The following FGGY variants were observed in gnomAD, a reference collection of about 807,000 sequenced individuals.
The protein encoded by FGGY is FGGY carbohydrate kinase domain-containing protein.
A neutral mutation model predicts 71.3 loss-of-function variants in FGGY; 72 were observed. The ratio of observed to expected loss-of-function variants is 1.01; its 90% CI spans 0.84 to 1.23. The LOEUF is 1.23. FGGY is among the 50% of genes most tolerant of loss of function. The pLI is 0.00. For missense variants in FGGY, 668 were observed against 682.3 expected (o/e 0.98, Z 0.23); for synonymous variants, 251 against 250.3 (o/e 1.00, Z -0.02).
At chr1:59,460,418 C>T (rs553338252) in intron 6 of FGGY, among the ~76,000 whole-genome samples, 1 of 152,302 alleles carries the variant, frequency 6.6e-6, no homozygotes, top group Admixed American at 6.5e-5. Flanking sequence ...CTGGGTGCAG[C>T]CCACCACAGC....
intron 11 of FGGY, among the ~76,000 whole-genome samples, chr1:59,641,664 T>A (rs528089437): frequency 1.3e-5 from 2 of 152,322 alleles, no homozygotes; most frequent in South Asian, 4.1e-4. Context: ...CTGCTTCTCT[T>A]GAAAATATTT....
At chr1:59,690,875 T>C (rs1412011428) in intron 14 of FGGY, among the ~76,000 whole-genome samples, 1 of 152,254 alleles carries the variant, frequency 6.6e-6, no homozygotes, top group Non-Finnish European at 1.5e-5. Context: ...ACATTAGCTG[T>C]GACTGTAAAC....
At chr1:59,683,724 T>G (rs2097523715) in intron 14 of FGGY, among the ~76,000 whole-genome samples, 1 of 152,118 alleles carries the variant, frequency 6.6e-6, no homozygotes, top group African/African-American at 2.4e-5. Context: ...GGAAATAAAA[T>G]AGCTGCTCCT....
At chr1:59,397,193 CCTT>C (rs1268316478) in intron 5 of FGGY, among the ~76,000 whole-genome samples, 3 of 152,182 alleles carry the variant, frequency 2.0e-5, no homozygotes, top group African/African-American at 7.2e-5. Context: ...TGGTATTTGA[CCTT>C]CTATTAATAA....
At chr1:59,498,950 G>A (rs2094133657) in intron 6 of FGGY, among the ~76,000 whole-genome samples, 1 of 152,246 alleles carries the variant, frequency 6.6e-6, no homozygotes, top group African/African-American at 2.4e-5. Flanking sequence ...GTGGTTAAAA[G>A]TGGACACTTT....
chr1:59,533,597 G>C (rs1382229787), intron 7 of FGGY, among the ~76,000 whole-genome samples: 4 of 152,230 alleles, frequency 2.6e-5, no homozygotes, highest in South Asian at 2.1e-4. Context: ...AAATGTCCCT[G>C]TCTGACAGCT....
chr1:59,556,704 A>C (rs1389853999), intron 8 of FGGY, among the ~76,000 whole-genome samples: 2 of 152,216 alleles, frequency 1.3e-5, no homozygotes, highest in Non-Finnish European at 1.5e-5. Context: ...ATTGGGGATA[A>C]TGATGCCAGT....
intron 9 of FGGY, among the ~76,000 whole-genome samples, chr1:59,623,686 C>G (rs1477330752): frequency 2.0e-5 from 3 of 152,142 alleles, no homozygotes; most frequent in Non-Finnish European, 4.4e-5. Context: ...TATTTATGGC[C>G]TCTCAGCTGA....
chr1:59,579,558 C>T (rs953172573), intron 8 of FGGY, among the ~76,000 whole-genome samples: 3 of 152,158 alleles, frequency 2.0e-5, no homozygotes, highest in African/African-American at 7.2e-5. Flanking sequence ...ATACACTTGC[C>T]TATGTCAAAA....
At chr1:59,560,623 TAAAGA>T (rs780218285) in intron 8 of FGGY, among the ~76,000 whole-genome samples, 22 of 152,286 alleles carry the variant, frequency 1.4e-4, no homozygotes, top group Non-Finnish European at 2.8e-4. Flanking sequence ...TATTCACTCA[TAAAGA>T]AAACTTTTTT....
chr1:59,580,116 C>G (rs2096163071), intron 8 of FGGY, among the ~76,000 whole-genome samples: 2 of 152,158 alleles, frequency 1.3e-5, no homozygotes, highest in African/African-American at 2.4e-5. Flanking sequence ...CCAGACCACC[C>G]TATATTAAAA....
intron 11 of FGGY, among the ~76,000 whole-genome samples, chr1:59,645,914 G>T (rs139377922): frequency 3.3e-5 from 5 of 152,230 alleles, no homozygotes; most frequent in Non-Finnish European, 7.3e-5. Context: ...ACATCAGAGC[G>T]TATGCTACTC....
intron 4 of FGGY, among the ~76,000 whole-genome samples, chr1:59,365,157 G>A (rs2056358601): frequency 6.6e-6 from 1 of 152,170 alleles, no homozygotes; most frequent in African/African-American, 2.4e-5. Flanking sequence ...CGTGTAGTTG[G>A]TTGGAATCAC....
At chr1:59,696,872 T>G (rs2097664378) in intron 14 of FGGY, among the ~76,000 whole-genome samples, 1 of 152,140 alleles carries the variant, frequency 6.6e-6, no homozygotes, top group South Asian at 2.1e-4. Context: ...ACCCTCTTTT[T>G]ACAGATGAGG....
chr1:59,375,780 A>G (rs1045690138), intron 4 of FGGY, among the ~76,000 whole-genome samples: 2 of 151,472 alleles, frequency 1.3e-5, no homozygotes, highest in Admixed American at 6.6e-5. Flanking sequence ...GTGACATTCT[A>G]CTTGGGTTCT....
chr1:59,589,722 G>A (rs1238772619), intron 8 of FGGY, among the ~76,000 whole-genome samples: 6 of 152,072 alleles, frequency 3.9e-5, no homozygotes, highest in African/African-American at 1.2e-4. Context: ...AGTAATAAAG[G>A]TGTTCATTGA....
chr1:59,546,538 T>TG (rs1558303817), intron 7 of FGGY, among the ~76,000 whole-genome samples: 136 of 131,814 alleles, frequency 1.0e-3, no homozygotes, highest in Non-Finnish European at 1.6e-3. Context: ...TGATGATGAT[T>TG]ATTATTATTA....
At chr1:59,591,716 T>C (rs1460792195) in intron 8 of FGGY, among the ~76,000 whole-genome samples, 1 of 152,192 alleles carries the variant, frequency 6.6e-6, no homozygotes, top group Admixed American at 6.5e-5. Context: ...TAAATGGTGC[T>C]GGGAAAACTG....
At chr1:59,298,118 C>CT (rs912988053) in intron 1 of FGGY, among the ~76,000 whole-genome samples, 25 of 152,180 alleles carry the variant, frequency 1.6e-4, no homozygotes, top group African/African-American at 4.1e-4. Context: ...TGCTTTTCCT[C>CT]TTTTTTTTCT....
Sources: allele counts gnomAD v4.1 joint callset (sites outside exome capture counted in the v4.1 genomes callset), GRCh38; gene constraint gnomAD v4.1.1; transcripts MANE v1.5; gene names NCBI Gene and HGNC (gene_info 2026-07-23, HGNC 2026-07-21).